The following XIAP variants were observed in gnomAD, a reference collection of about 807,000 sequenced individuals.
The protein encoded by XIAP is E3 ubiquitin-protein ligase XIAP.
A neutral mutation model predicts 33.1 loss-of-function variants in XIAP; 3 were observed. The observed-to-expected ratio is 0.09, with a 90% CI of 0.04 to 0.23. The LOEUF (loss-of-function observed/expected upper bound fraction) is 0.23, where lower values mean the gene tolerates loss of function less well. Ranked by LOEUF, XIAP falls within the 10% of genes least tolerant of loss-of-function variation. The probability of loss-of-function intolerance (pLI) is 1.00; values close to 1 mark genes in which losing one functional copy is unlikely to be tolerated. For synonymous variants in XIAP, 98 were observed against 121.3 expected (o/e 0.81, Z 1.26); for missense variants, 264 against 363.0 (o/e 0.73, Z 2.22).
chrX:123,870,758 A>T (rs5958323), intron 1 of XIAP, among the ~76,000 whole-genome samples: 1 of 110,003 alleles, frequency 9.1e-6, no homozygotes, highest in Non-Finnish European at 1.9e-5. Context: ...ACTGCACTCC[A>T]GTCTGGGCGA....
chrX:123,904,232 C>T (rs192562430), intron 6 of XIAP, among the ~76,000 whole-genome samples: 81 of 111,369 alleles, frequency 7.3e-4, no homozygotes, highest in African/African-American at 2.4e-3. Context: ...CCACCGCGCC[C>T]AGCCTGTTTG....
chrX:123,883,474 T>C (rs2053322828), intron 1 of XIAP, among the ~76,000 whole-genome samples: 1 of 98,707 alleles, frequency 1.0e-5, no homozygotes, highest in Admixed American at 1.2e-4. Flanking sequence ...GTAGCCTTGG[T>C]TTTTTTCTTT....
At chrX:123,862,547 C>CT (rs376358519) in intron 1 of XIAP, among the ~76,000 whole-genome samples, 114 of 108,967 alleles carry the variant, frequency 1.0e-3, no homozygotes, top group African/African-American at 3.2e-3. Context: ...AATTAGGTCC[C>CT]TTTTTTTTAA....
At chrX:123,872,087 G>A (rs896599476) in intron 1 of XIAP, among the ~76,000 whole-genome samples, 3 of 110,870 alleles carry the variant, frequency 2.7e-5, no homozygotes, top group Admixed American at 1.9e-4. Context: ...GTGACAGAGC[G>A]AGACTCCATC....
At chrX:123,874,719 G>C (rs1258897681) in intron 1 of XIAP, among the ~76,000 whole-genome samples, 11 of 96,633 alleles carry the variant, frequency 1.1e-4, no homozygotes, top group African/African-American at 3.9e-4. Flanking sequence ...TTTTGAGATG[G>C]AGTCTCCCTC....
At chrX:123,865,887 TG>T (rs2053130073) in intron 1 of XIAP, among the ~76,000 whole-genome samples, 1 of 110,131 alleles carries the variant, frequency 9.1e-6, no homozygotes, top group Non-Finnish European at 1.9e-5. Flanking sequence ...CCCAAGTAGC[TG>T]GGATTACAGG....
At chrX:123,899,577 T>A (rs2053498686) in intron 5 of XIAP, among the ~76,000 whole-genome samples, 1 of 109,226 alleles carries the variant, frequency 9.2e-6, no homozygotes, top group South Asian at 3.9e-4. Context: ...ATAGATTAAT[T>A]TTGTTTATTA....
chrX:123,886,860 C>T (rs1481416625), intron 2 of XIAP, among the ~76,000 whole-genome samples: 1 of 111,558 alleles, frequency 9.0e-6, no homozygotes, highest in Admixed American at 9.6e-5. Context: ...ATTTATTGAG[C>T]ACTTACTATA....
chrX:123,893,856 GAAAA>G (rs771456248), intron 5 of XIAP, among the ~76,000 whole-genome samples: 11 of 110,381 alleles, frequency 1.0e-4, no homozygotes, highest in Non-Finnish European at 1.9e-4. Flanking sequence ...GAAAATAAAA[GAAAA>G]AAAAATCAGT....
At chrX:123,880,440 A>T (rs1304507003) in intron 1 of XIAP, among the ~76,000 whole-genome samples, 6 of 40,634 alleles carry the variant, frequency 1.5e-4, no homozygotes, top group Non-Finnish European at 2.8e-4. Flanking sequence ...AAACCCTAAT[A>T]AAAAAAAAAA....
At position 123,912,870 on chromosome X, in the gene XIAP, A is replaced by G. The variant is rs766569196; in HGVS notation, c.*5689A>G. 9.2e-6 allele frequency: 3 copies of G among 324,589 alleles called. No individual in the cohort carries two copies. The highest frequency in any genetic ancestry group is 9.9e-5 in the East Asian group (1 of 10,066). 26.7% of individuals were successfully genotyped at this position (324,589 alleles called of 1,213,427 possible). A position where few individuals can be genotyped will look rare whatever the true frequency, so the allele number is the denominator to read the frequency against. On this transcript the variant is annotated 3_prime_UTR_variant, in exon 7 of 7. Coordinates refer to ENST00000371199, the MANE Select transcript of XIAP (RefSeq NM_001167.4). ...AGGGTTTCACCATGTTGGCCAGGCT[A>G]GTCTTGAATTTCTGACCTCAAGTGA...
At chrX:123,891,414 T>G (rs1221155231) in intron 4 of XIAP, 98 bp downstream of exon 4, 4 of 416,646 alleles carry the variant, frequency 9.6e-6, no homozygotes, top group Non-Finnish European at 1.6e-5. Context: ...TTTATAGTTA[T>G]TTCTTCATGT....
intron 3 of XIAP, among the ~76,000 whole-genome samples, chrX:123,890,495 T>C (rs1331013980): frequency 1.9e-5 from 2 of 107,362 alleles, no homozygotes; most frequent in African/African-American, 6.8e-5. Context: ...CCAGTCATGA[T>C]GGCACACACC....
In XIAP at chrX:123,886,020, T is replaced by C; in HGVS notation, c.358T>C (p.Tyr120His). ...GAATGGTCAGTACAAAGTTGAAAAC[T>C]ATCTGGGAAGCAGAGATCATTTTGC... ...IQNGQYKVEN[Y>H]LGSRDHFALD... The change falls in exon 2 of 7, where the codon TAT (tyrosine) becomes CAT (histidine). Residue 120 changes from tyrosine to histidine, a missense_variant. Transcript: ENST00000371199. 2 of 1,211,879 alleles carry C rather than the reference T, an allele frequency of 1.7e-6. No homozygotes were observed. The highest frequency in any genetic ancestry group is 5.9e-5 in the East Asian group (2 of 33,874).
chrX:123,903,877 C>T (rs2053537436), intron 6 of XIAP, among the ~76,000 whole-genome samples: 1 of 108,408 alleles, frequency 9.2e-6, no homozygotes, highest in Non-Finnish European at 1.9e-5. Context: ...TGCTTGAGAC[C>T]AGGAGCTCAA....
chrX:123,864,635 A>AGTGTGTGTGTGTGTGTGT (rs748255094), intron 1 of XIAP, among the ~76,000 whole-genome samples: 2 of 84,674 alleles, frequency 2.4e-5, no homozygotes, highest in African/African-American at 8.9e-5. Context: ...CCCGGCTTAG[A>AGTGTGTGTGTGTGTGTGT]GTGTGTGTGT....
intron 1 of XIAP, among the ~76,000 whole-genome samples, chrX:123,884,018 A>G (rs1214832597): frequency 3.6e-5 from 4 of 112,256 alleles, no homozygotes; most frequent in Non-Finnish European, 7.5e-5. Flanking sequence ...TTATGCAGAT[A>G]TAACTCAGCT....
chrX:123,900,446 A>G (rs1458057833), intron 5 of XIAP, 47 bp from the exon 6 acceptor site: 1 of 1,068,650 alleles, frequency 9.4e-7, no homozygotes, highest in African/African-American at 1.9e-5. Flanking sequence ...TAATGAAAAT[A>G]ATTGTTTAAA....
At chrX:123,875,102 A>G (rs1396368185) in intron 1 of XIAP, among the ~76,000 whole-genome samples, 1 of 104,389 alleles carries the variant, frequency 9.6e-6, no homozygotes, top group Non-Finnish European at 1.9e-5. Flanking sequence ...AGCTTACTGC[A>G]ACCTCTGCCT....
Sources: allele counts gnomAD v4.1 joint callset (sites outside exome capture counted in the v4.1 genomes callset), GRCh38; gene constraint gnomAD v4.1.1; transcripts MANE v1.5; gene names NCBI Gene and HGNC (gene_info 2026-07-23, HGNC 2026-07-21).